Variants in KCNT2 observed in about 807,000 individuals in gnomAD.
KCNT2 encodes the protein potassium sodium-activated channel subfamily T member 2, also known as potassium channel subfamily T member 2.
KCNT2 carries 67 observed loss-of-function variants against 153.8 expected under a neutral mutation model. The ratio of observed to expected loss-of-function variants is 0.44; its 90% CI spans 0.36 to 0.53. KCNT2 has a LOEUF of 0.53. KCNT2 is among the 20% of genes least tolerant of loss of function. KCNT2 has a pLI of 0.00. For missense variants in KCNT2, 975 were observed against 1,354.8 expected, an observed-to-expected ratio of 0.72 and a Z score of 4.40; for synonymous variants, 500 against 458.8, an observed-to-expected ratio of 1.09 and a Z score of -1.15.
intron 1 of KCNT2, among the ~76,000 whole-genome samples, chr1:196,561,901 A>G (rs1415014074): frequency 6.6e-6 from 1 of 151,914 alleles, no homozygotes; most frequent in African/African-American, 2.4e-5. Flanking sequence ...TAGAGGGATT[A>G]AAAGATTTGG....
At chr1:196,232,868 T>C (rs536891707) in intron 27 of KCNT2, among the ~76,000 whole-genome samples, 1 of 151,506 alleles carries the variant, frequency 6.6e-6, no homozygotes, top group Non-Finnish European at 1.5e-5. Flanking sequence ...GTATTAAGCT[T>C]AAGAAACATA....
intron 21 of KCNT2, among the ~76,000 whole-genome samples, chr1:196,314,893 A>C (rs1662555706): frequency 6.6e-6 from 1 of 151,690 alleles, no homozygotes; most frequent in Admixed American, 6.6e-5. Context: ...GTATGTGCTA[A>C]GTAAGGCATT....
chr1:196,265,498 A>T (rs574743162), intron 25 of KCNT2, among the ~76,000 whole-genome samples: 47 of 152,272 alleles, frequency 3.1e-4, no homozygotes, highest in Admixed American at 2.8e-3. Context: ...TCCAGTAAGA[A>T]ATGTGGCTGA....
At chr1:196,519,414 A>G (rs1377606521) in intron 1 of KCNT2, among the ~76,000 whole-genome samples, 2 of 152,126 alleles carry the variant, frequency 1.3e-5, no homozygotes, top group East Asian at 3.8e-4. Context: ...ACCAAACCCA[A>G]AGCTAGCAGA....
In KCNT2 at chr1:196,523,494, G is replaced by A. The variant is rs904291965; in HGVS notation, c.96-31153C>T. ...TGAAGCAGGAGCCCATCTATTCACC[G>A]CTACTTTATTTTTCTCCATCTCCAG... On this transcript the variant is annotated intron_variant, in intron 1 of 27. Coordinates refer to ENST00000294725, the MANE Select transcript of KCNT2 (RefSeq NM_198503.5). Among the ~76,000 whole-genome samples the A allele has an allele frequency of 5.3e-5, 8 of 152,274 alleles. No homozygotes were observed. In the South Asian group the frequency reaches 1.0e-3, roughly 20 times the overall value.
chr1:196,572,092 G>A lies in KCNT2; in HGVS notation c.95+36123C>T, dbSNP rs184848349. On this transcript the variant is annotated intron_variant, in intron 1 of 27. Transcript: ENST00000294725. Reference sequence around the variant, plus strand: ...TGAGAAATGCTCATGAGCACATGCTGTTCACCATTTCATCTCTTCCAAATG... The same window carrying A: ...TGAGAAATGCTCATGAGCACATGCTATTCACCATTTCATCTCTTCCAAATG... Among the ~76,000 whole-genome samples the A allele has an allele frequency of 4.2e-4, 64 of 152,178 alleles. No homozygotes were observed. The East Asian group carries it at 0.012, about 29-fold the overall frequency.
At chr1:196,323,775 G>T (rs1236893314) in intron 19 of KCNT2, among the ~76,000 whole-genome samples, 3 of 151,630 alleles carry the variant, frequency 2.0e-5, no homozygotes, top group Non-Finnish European at 2.9e-5. Flanking sequence ...ACTATTTTCA[G>T]CTGTACTCAT....
At chr1:196,414,240 A>G (rs552476368) in intron 12 of KCNT2, among the ~76,000 whole-genome samples, 1 of 151,852 alleles carries the variant, frequency 6.6e-6, no homozygotes, top group East Asian at 1.9e-4. Context: ...ACTATAAAAA[A>G]CTACATTATA....
intron 20 of KCNT2, among the ~76,000 whole-genome samples, chr1:196,318,597 G>A (rs1428273377): frequency 6.6e-6 from 1 of 151,740 alleles, no homozygotes; most frequent in Non-Finnish European, 1.5e-5. Context: ...TAAAACATGT[G>A]TAGAATTTAA....
At chr1:196,586,343 T>G (rs761520383) in intron 1 of KCNT2, among the ~76,000 whole-genome samples, 4 of 152,164 alleles carry the variant, frequency 2.6e-5, no homozygotes, top group Non-Finnish European at 4.4e-5. Flanking sequence ...TGCTGCTAAA[T>G]TCCCCATTTT....
In KCNT2 at chr1:196,570,668, T is replaced by C. The variant is rs371934245; in HGVS notation, c.95+37547A>G. ...GCAGATTAGGGTGCTATACAGAATATACAAGCCTTCATAAAAAGAACATAA... is the reference window on the plus strand; with the variant it reads ...GCAGATTAGGGTGCTATACAGAATACACAAGCCTTCATAAAAAGAACATAA... On this transcript the variant is annotated intron_variant, in intron 1 of 27. Coordinates refer to ENST00000294725, the MANE Select transcript of KCNT2 (RefSeq NM_198503.5). 3.9e-5 allele frequency among the ~76,000 whole-genome samples: 6 copies of C among 152,178 alleles called. No individual in the cohort carries two copies. The South Asian group carries it at 1.2e-3, about 32-fold the overall frequency.
Position 196,435,139 on chromosome 1 carries a change from G to GTATATA in KCNT2, c.639-5388_639-5383dup, listed in dbSNP as rs1166021273. ...TAGATACTTATGTGTGTGTGTGTAT[G>GTATATA]TATATATATATATATATATATATAT... On this transcript the variant is annotated intron_variant, in intron 8 of 27. Transcript: ENST00000294725. Among the ~76,000 whole-genome samples, 330 of 45,544 alleles carry GTATATA rather than the reference G, an allele frequency of 7.2e-3. 5 individuals are homozygous for GTATATA. The highest frequency in any genetic ancestry group is 9.2e-3 in the East Asian group (12 of 1,306). The allele number at this position is 45,544 out of a possible 152,430, so 29.9% of individuals were successfully genotyped here.
chr1:196,425,509 C>CGGG (rs1673581544), intron 11 of KCNT2, among the ~76,000 whole-genome samples: 2 of 151,846 alleles, frequency 1.3e-5, no homozygotes, highest in Non-Finnish European at 2.9e-5. Context: ...AAACAGTATT[C>CGGG]GGGGATTTGG....
intron 4 of KCNT2, among the ~76,000 whole-genome samples, chr1:196,481,191 A>G (rs1678993546): frequency 6.6e-6 from 1 of 152,200 alleles, no homozygotes; most frequent in South Asian, 2.1e-4. Flanking sequence ...TATGATCACA[A>G]TGCACACATA....
At chr1:196,273,637 C>A in intron 25 of KCNT2, 1 of 559,518 alleles carries the variant, frequency 1.8e-6, no homozygotes, top group Non-Finnish European at 3.2e-6. Context: ...TCTCGTATGG[C>A]TTTTGAACAA....
intron 1 of KCNT2, among the ~76,000 whole-genome samples, chr1:196,575,351 T>A (rs1487457071): frequency 1.3e-5 from 2 of 152,198 alleles, no homozygotes; most frequent in African/African-American, 4.8e-5. Context: ...TTTGAGAAAA[T>A]GGACATAATG....
intron 14 of KCNT2, among the ~76,000 whole-genome samples, chr1:196,350,709 T>C (rs1412520506): frequency 2.0e-5 from 3 of 152,198 alleles, no homozygotes; most frequent in Non-Finnish European, 4.4e-5. Flanking sequence ...TTAGTTTAAT[T>C]AGATCCCTTT....
At chr1:196,314,551 A>G (rs1035046785) in intron 21 of KCNT2, among the ~76,000 whole-genome samples, 3 of 151,774 alleles carry the variant, frequency 2.0e-5, no homozygotes, top group African/African-American at 7.2e-5. Flanking sequence ...TTCTTCTGGA[A>G]CAAGAGGTTC....
intron 26 of KCNT2, among the ~76,000 whole-genome samples, chr1:196,236,658 T>C (rs1654469478): frequency 1.3e-5 from 2 of 151,670 alleles, no homozygotes; most frequent in Middle Eastern, 3.4e-3. Context: ...TTAAGGGAAG[T>C]GTACTCCTGA....
Sources: allele counts gnomAD v4.1 joint callset (sites outside exome capture counted in the v4.1 genomes callset), GRCh38; gene constraint gnomAD v4.1.1; transcripts MANE v1.5; gene names NCBI Gene and HGNC (gene_info 2026-07-23, HGNC 2026-07-21).